TRIO: variants seen among roughly 807,000 people sequenced by gnomAD.
The protein encoded by TRIO is triple functional domain protein.
Under a neutral mutation model 351.9 loss-of-function variants are expected in TRIO, and 58 were observed. The observed-to-expected ratio is 0.16, with a 90% CI of 0.13 to 0.21. The LOEUF (loss-of-function observed/expected upper bound fraction) is 0.21, where lower values mean the gene tolerates loss of function less well. TRIO is among the 10% of genes least tolerant of loss of function. The pLI is 1.00. For missense variants in TRIO, 3,201 were observed against 4,027.8 expected (o/e 0.79, Z 5.56); for synonymous variants, 1,758 against 1,595.7 (o/e 1.10, Z -2.42).
intron 34 of TRIO, among the ~76,000 whole-genome samples, chr5:14,452,345 A>G (rs1423399798): frequency 6.6e-6 from 1 of 152,220 alleles, no homozygotes; most frequent in Non-Finnish European, 1.5e-5. Flanking sequence ...GTGTTAGGCT[A>G]TAAGTTTCCA....
chr5:14,382,733 G>A (rs914634983), intron 21 of TRIO, among the ~76,000 whole-genome samples: 7 of 152,110 alleles, frequency 4.6e-5, no homozygotes, highest in South Asian at 2.1e-4. Flanking sequence ...TATATGATCC[G>A]TATTTAGGGG....
intron 1 of TRIO, 86 bp from the exon 2 acceptor site, chr5:14,270,739 G>A: frequency 1.0e-6 from 1 of 968,990 alleles, no homozygotes; most frequent in South Asian, 1.3e-5. Flanking sequence ...GGATAAAGCT[G>A]CTGTGTTGGC....
chr5:14,393,999 C>A (rs376443761), intron 27 of TRIO, 39 bp from the exon 28 acceptor site: 5 of 1,386,534 alleles, frequency 3.6e-6, no homozygotes, highest in Non-Finnish European at 5.1e-6. Context: ...ATAGTGTAGC[C>A]CTATGATAAC....
chr5:14,176,827 T>C (rs1379204501), intron 1 of TRIO, among the ~76,000 whole-genome samples: 1 of 152,178 alleles, frequency 6.6e-6, no homozygotes, highest in Non-Finnish European at 1.5e-5. Context: ...GTTAAGTAAA[T>C]GGAAAGAGCC....
chr5:14,488,019 C>T lies in TRIO; in HGVS notation c.7391C>T (p.Ala2464Val), dbSNP rs115054458. The change falls in exon 48 of 57, where the codon GCG becomes GTG. Residue 2464 changes from alanine (A) to valine (V), a missense_variant. Transcript: ENST00000344204. ...ASPLNSPLSS[A>V]VPSLGKEPFP... ...CCGCTGAACTCGCCGCTCTCCAGCG[C>T]GGTCCCTTCTCTCGGCAAGGAGCCC... The T allele has an allele frequency of 1.3e-3, 1,994 of 1,593,756 alleles. 24 individuals are homozygous for T. The African/African-American group carries it at 0.024, about 19-fold the overall frequency.
At chr5:14,385,659 A>G (rs1746478181) in intron 21 of TRIO, among the ~76,000 whole-genome samples, 2 of 152,336 alleles carry the variant, frequency 1.3e-5, no homozygotes, top group South Asian at 4.1e-4. Context: ...TGGGGTGAGA[A>G]GAGTTTTTAC....
intron 8 of TRIO, among the ~76,000 whole-genome samples, chr5:14,313,218 C>A (rs1284918812): frequency 1.3e-5 from 2 of 152,122 alleles, no homozygotes; most frequent in Non-Finnish European, 2.9e-5. Context: ...CACATTAATC[C>A]CTGCTTATGA....
chr5:14,181,231 T>C (rs1251521880), intron 1 of TRIO, among the ~76,000 whole-genome samples: 1 of 152,254 alleles, frequency 6.6e-6, no homozygotes, highest in African/African-American at 2.4e-5. Flanking sequence ...CGTATTATTC[T>C]TGGATGCCTT....
chr5:14,422,030 C>A (rs922780352), intron 34 of TRIO, among the ~76,000 whole-genome samples: 1 of 152,214 alleles, frequency 6.6e-6, no homozygotes, highest in South Asian at 2.1e-4. Context: ...GCCGGCCTGC[C>A]CATGCCAGCC....
intron 1 of TRIO, among the ~76,000 whole-genome samples, chr5:14,164,735 T>G (rs889626783): frequency 2.6e-5 from 4 of 152,226 alleles, no homozygotes; most frequent in African/African-American, 9.6e-5. Context: ...CCCCCTGATG[T>G]CATTATGATT....
At chr5:14,430,615 G>A (rs10058395) in intron 34 of TRIO, among the ~76,000 whole-genome samples, 58 of 152,296 alleles carry the variant, frequency 3.8e-4, no homozygotes, top group African/African-American at 1.3e-3. Flanking sequence ...GGGCCTTGGA[G>A]TCTCTGTATA....
chr5:14,475,309 A>G (rs910878699), intron 40 of TRIO, among the ~76,000 whole-genome samples: 3 of 152,072 alleles, frequency 2.0e-5, no homozygotes, highest in Non-Finnish European at 4.4e-5. Flanking sequence ...AGGGTGGAGC[A>G]CGATGTCATC....
At position 14,336,674 on chromosome 5, in the gene TRIO, C is replaced by G; in HGVS notation, c.1993C>G (p.Gln665Glu). Residue 665 changes from glutamine to glutamate, a missense_variant, in exon 11 of 57, where the codon CAG becomes GAG. Physicochemically the swap from Gln to Glu is conservative, Grantham distance 29. Coordinates refer to ENST00000344204, the MANE Select transcript of TRIO (RefSeq NM_007118.4). Reference protein sequence around the residue: ...RIQDFVRRVEQRKILLDMSVS... With the variant: ...RIQDFVRRVEERKILLDMSVS... ...TCAAGATTTCGTTCGGCGTGTTGAG[C>G]AGCGAAAGATCCTACTGGACATGTC... The G allele has an allele frequency of 1.5e-5, 25 of 1,614,234 alleles. No homozygotes were observed. The highest frequency in any genetic ancestry group is 2.0e-5 in the Non-Finnish European group (24 of 1,180,050).
chr5:14,481,964 A>G (rs1755559317), intron 45 of TRIO, among the ~76,000 whole-genome samples: 1 of 151,748 alleles, frequency 6.6e-6, no homozygotes, highest in South Asian at 2.1e-4. Context: ...AGGACCTCGG[A>G]GGTCCCCACT....
chr5:14,410,153 A>G (rs1749074631), intron 33 of TRIO, among the ~76,000 whole-genome samples: 1 of 152,098 alleles, frequency 6.6e-6, no homozygotes. Context: ...CGTTCTGGAG[A>G]CCTGCATTTG....
At chr5:14,359,649 C>G in intron 13 of TRIO, 118 bp downstream of exon 13, 1 of 1,215,320 alleles carries the variant, frequency 8.2e-7, no homozygotes, top group Non-Finnish European at 1.1e-6. Flanking sequence ...ACACCCCAAC[C>G]CTCTGCACCA....
intron 16 of TRIO, among the ~76,000 whole-genome samples, chr5:14,368,300 AG>A (rs1456786548): frequency 6.6e-6 from 1 of 152,254 alleles, no homozygotes; most frequent in Admixed American, 6.5e-5. Flanking sequence ...GAAAATAAAA[AG>A]CATTCACTCT....
In TRIO at chr5:14,419,918, A is replaced by T. The variant is rs30612; in HGVS notation, c.5100A>T (p.Thr1700=). The change falls in exon 34 of 57, where the codon ACA becomes ACT. Residue 1700 remains threonine (T), a synonymous_variant. Coordinates refer to ENST00000344204, the MANE Select transcript of TRIO (RefSeq NM_007118.4). ...HDKPDWCLVR[T]TDRSPAAEGL... is the part of the protein sequence containing the mutation. The stretch of plus-strand genomic sequence containing the variant: ...AGCCTGACTGGTGTCTGGTGCGGAC[A>T]ACTGACCGCTCCCCAGCGGCAGAAG... The T allele has an allele frequency of 1.2e-6, 2 of 1,614,030 alleles. No individual in the cohort carries two copies. Among genetic ancestry groups the T allele is most frequent in the African/African-American group, 1.3e-5 (1 of 75,046 alleles).
In TRIO at chr5:14,378,038, G is replaced by T. The variant is rs761628061; in HGVS notation, c.3358G>T (p.Glu1120Ter). ...TATCTTGAATGAACTCTTCCAACGG[G>T]AGAACAGGGTATTGCATTACTGGAC... ...KNILNELFQR[E>*]NRVLHYWTMR... Residue 1120 changes from glutamate to a stop codon, truncating the protein, a stop_gained, in exon 20 of 57, where the codon GAG becomes TAG. Transcript: ENST00000344204. LOFTEE classifies it high-confidence loss of function. 6.2e-7 allele frequency: 1 copy of T among 1,613,230 alleles called. No individual in the cohort carries two copies. The highest frequency in any genetic ancestry group is 8.5e-7 in the Non-Finnish European group (1 of 1,179,682).
Sources: allele counts gnomAD v4.1 joint callset (sites outside exome capture counted in the v4.1 genomes callset), GRCh38; gene constraint gnomAD v4.1.1; transcripts MANE v1.5; gene names NCBI Gene and HGNC (gene_info 2026-07-23, HGNC 2026-07-21).